Variants in PDZD9 observed in about 807,000 individuals in gnomAD.
PDZD9 encodes the protein PDZ domain-containing protein 9.
In PDZD9, 13 loss-of-function variants were observed where a neutral mutation model predicts 16.3. That is an observed-to-expected ratio of 0.80 (90% CI 0.52 to 1.27). The LOEUF is 1.27. PDZD9 is among the 50% of genes most tolerant of loss of function. The pLI is 0.00. For synonymous variants in PDZD9, 120 were observed against 111.0 expected (o/e 1.08, Z -0.51); for missense variants, 288 against 310.9 (o/e 0.93, Z 0.55).
intron 3 of PDZD9, among the ~76,000 whole-genome samples, chr16:21,985,125 CTT>C (rs1567484024): frequency 1.3e-5 from 2 of 151,366 alleles, no homozygotes; most frequent in African/African-American, 4.9e-5. Flanking sequence ...GTCTTAGAGT[CTT>C]TTTTTTAGAG....
the PDZD9 span, among the ~76,000 whole-genome samples, chr16:21,966,661 T>G: frequency 6.6e-6 from 1 of 152,248 alleles, no homozygotes; most frequent in African/African-American, 2.4e-5. Context: ...TATGGCACTT[T>G]TATTTAGAAA....
the PDZD9 span, chr16:21,972,122 T>C: frequency 1.8e-5 from 29 of 1,612,354 alleles, no homozygotes; most frequent in African/African-American, 3.6e-4. Context: ...AGCCATTTGA[T>C]GTGAGTCTGA....
chr16:21,964,321 C>T, the PDZD9 span, among the ~76,000 whole-genome samples: 1 of 152,178 alleles, frequency 6.6e-6, no homozygotes, highest in Non-Finnish European at 1.5e-5. Context: ...TGAACAGTTA[C>T]TGTGTAGTCT....
the PDZD9 span, chr16:21,965,621 G>C: frequency 1.2e-6 from 1 of 853,662 alleles, no homozygotes; most frequent in South Asian, 2.6e-5. Flanking sequence ...GAAATTCAGC[G>C]TGCTAGCTTT....
chr16:21,994,720 C>T (rs574882060), intron 2 of PDZD9, among the ~76,000 whole-genome samples: 15 of 152,278 alleles, frequency 9.9e-5, no homozygotes, highest in South Asian at 2.1e-4. Context: ...AATATCTTTA[C>T]GCACTGAGAG....
At chr16:21,996,572 T>C in intron 1 of PDZD9, 71 bp from the exon 2 acceptor site, 1 of 1,345,230 alleles carries the variant, frequency 7.4e-7, no homozygotes, top group Admixed American at 2.3e-5. Context: ...ACTGGGGTTC[T>C]GAAGCCAGAT....
the PDZD9 span, chr16:21,972,072 A>G: frequency 7.4e-6 from 12 of 1,613,932 alleles, no homozygotes; most frequent in African/African-American, 4.0e-5. Flanking sequence ...CAGCAACACC[A>G]CCAGCCATCT....
At chr16:21,959,609 C>T in the PDZD9 span, 1 of 152,708 alleles carries the variant, frequency 6.5e-6, no homozygotes, top group African/African-American at 2.4e-5. Context: ...TGACATCCTC[C>T]CATGAGTCAC....
chr16:21,983,344 TTAAG>T (rs1429077316), downstream of PDZD9: 1 of 557,800 alleles, frequency 1.8e-6, no homozygotes, highest in African/African-American at 1.9e-5. Context: ...AACATTCTGT[TTAAG>T]TGTTTTTCTT....
chr16:22,001,011 A>G lies in PDZD9; in HGVS notation c.31+6T>C. On this transcript the variant is annotated splice_donor_region_variant and intron_variant, in intron 1 of 3. Transcript: ENST00000424898. ...CTTCTTCACCCGCTTCCTTCTCCCCAGTTACCTTTTTTGTTTTTGTGGGAG... is the reference window on the plus strand; with the variant it reads ...CTTCTTCACCCGCTTCCTTCTCCCCGGTTACCTTTTTTGTTTTTGTGGGAG... The G allele has an allele frequency of 6.5e-7, 1 of 1,533,380 alleles. No individual in the cohort carries two copies. The highest frequency in any genetic ancestry group is 8.7e-7 in the Non-Finnish European group (1 of 1,145,884). The allele number at this position is 1,533,380 out of a possible 1,614,324, so 95.0% of individuals were successfully genotyped here.
chr16:21,991,072 G>A (rs1386120586), intron 2 of PDZD9, among the ~76,000 whole-genome samples: 2 of 151,984 alleles, frequency 1.3e-5, no homozygotes, highest in African/African-American at 4.8e-5. Flanking sequence ...TCCCAACTAG[G>A]CTGGAAGTTC....
chr16:21,974,829 G>A, the PDZD9 span, among the ~76,000 whole-genome samples: 2 of 152,206 alleles, frequency 1.3e-5, no homozygotes, highest in Non-Finnish European at 1.5e-5. Flanking sequence ...GGACCTTTTA[G>A]CCTTACAGAC....
Position 21,984,531 on chromosome 16 carries a change from C to T in PDZD9, c.531G>A (p.Arg177=). ...YPWSTVHHPA[R]RPISISRDWH... ...AGTCTCTGGAGATGGATATTGGTCT[C>T]CTTGCAGGGTGATGCACAGTTGACC... is the stretch of plus-strand genomic sequence containing the variant. The change falls in exon 4 of 4, where the codon AGG becomes AGA. Residue 177 remains arginine (R), a synonymous_variant. Coordinates refer to ENST00000424898, the MANE Select transcript of PDZD9 (RefSeq NM_001363519.1). The T allele has an allele frequency of 1.2e-6, 2 of 1,606,478 alleles. No homozygotes were observed. Among genetic ancestry groups the T allele is most frequent in the Middle Eastern group, 1.7e-4 (1 of 6,036 alleles).
At chr16:21,967,875 G>T in the PDZD9 span, among the ~76,000 whole-genome samples, 1 of 152,080 alleles carries the variant, frequency 6.6e-6, no homozygotes, top group Non-Finnish European at 1.5e-5. Context: ...AATGTTAATA[G>T]TGCTTCATTA....
chr16:21,982,908 G>A (rs147963797), downstream of PDZD9, among the ~76,000 whole-genome samples: 5 of 147,028 alleles, frequency 3.4e-5, no homozygotes, highest in East Asian at 7.9e-4. Context: ...AGGCTGCAGT[G>A]AGCCAAGATC....
intron 1 of PDZD9, among the ~76,000 whole-genome samples, chr16:22,000,456 A>T (rs1899264692): frequency 6.6e-6 from 1 of 151,154 alleles, no homozygotes; most frequent in South Asian, 2.1e-4. Flanking sequence ...AATTTTAGGG[A>T]GTGGTGGAAC....
At chr16:21,977,943 T>C in the PDZD9 span, among the ~76,000 whole-genome samples, 1 of 152,206 alleles carries the variant, frequency 6.6e-6, no homozygotes, top group Non-Finnish European at 1.5e-5. Flanking sequence ...GATGCAGGGC[T>C]GCTTGATTGT....
the PDZD9 span, among the ~76,000 whole-genome samples, chr16:21,975,529 G>T: frequency 4.6e-5 from 7 of 152,110 alleles, no homozygotes; most frequent in Non-Finnish European, 8.8e-5. Context: ...GAAAATCATG[G>T]TCAGATTTAT....
At chr16:21,995,341 C>G (rs1407214796) in intron 2 of PDZD9, 1 of 431,818 alleles carries the variant, frequency 2.3e-6, no homozygotes, top group Admixed American at 2.5e-5. Flanking sequence ...AACCTCTTTT[C>G]TTATAAATGA....
Sources: allele counts gnomAD v4.1 joint callset (sites outside exome capture counted in the v4.1 genomes callset), GRCh38; gene constraint gnomAD v4.1.1; transcripts MANE v1.5; gene names NCBI Gene and HGNC (gene_info 2026-07-23, HGNC 2026-07-21).